The following OSBPL10 variants were observed in gnomAD, a reference collection of about 807,000 sequenced individuals.
OSBPL10 encodes oxysterol-binding protein-related protein 10.
Under a neutral mutation model 81.7 loss-of-function variants are expected in OSBPL10, and 49 were observed. The ratio of observed to expected loss-of-function variants is 0.60; its 90% CI spans 0.48 to 0.76. The LOEUF (loss-of-function observed/expected upper bound fraction) is 0.76, where lower values mean the gene tolerates loss of function less well. OSBPL10 is among the 30% of genes least tolerant of loss of function. The pLI is 0.00. For synonymous variants in OSBPL10, 419 were observed against 383.6 expected (o/e 1.09, Z -1.08); for missense variants, 923 against 987.8 (o/e 0.93, Z 0.88).
intron 4 of OSBPL10, among the ~76,000 whole-genome samples, chr3:31,788,272 C>G (rs1559465364): frequency 6.6e-6 from 1 of 152,114 alleles, no homozygotes; most frequent in Non-Finnish European, 1.5e-5. Context: ...AAATTTTATC[C>G]TATAAAATCC....
intron 2 of OSBPL10, 85 bp from the exon 3 acceptor site, chr3:31,876,597 G>A: frequency 8.6e-7 from 1 of 1,168,740 alleles, no homozygotes; most frequent in East Asian, 2.4e-5. Flanking sequence ...ACCTAAGGGG[G>A]TGGGGAGCCT....
intron 3 of OSBPL10, among the ~76,000 whole-genome samples, chr3:31,872,162 T>C (rs978353953): frequency 6.6e-6 from 1 of 152,194 alleles, no homozygotes; most frequent in African/African-American, 2.4e-5. Flanking sequence ...TGAACCTATG[T>C]GACATGGAGA....
intron 1 of OSBPL10, among the ~76,000 whole-genome samples, chr3:31,917,134 G>C (rs1696779420): frequency 1.3e-5 from 2 of 152,138 alleles, no homozygotes; most frequent in East Asian, 3.9e-4. Flanking sequence ...CAAAGTCGGT[G>C]TCACAGCCGG....
At chr3:31,812,783 AAAGAAAGAAAGAAAGAAAG>A (rs1699730692) in intron 4 of OSBPL10, among the ~76,000 whole-genome samples, 3 of 54,214 alleles carry the variant, frequency 5.5e-5, no homozygotes, top group Non-Finnish European at 1.0e-4. Context: ...AGAAAGAAAG[AAAGAAAGAAAGAAAGAAAG>A]AAAGAAAGAA....
chr3:31,956,902 G>T (rs1698025608), intron 1 of OSBPL10, among the ~76,000 whole-genome samples: 1 of 152,074 alleles, frequency 6.6e-6, no homozygotes, highest in African/African-American at 2.4e-5. Flanking sequence ...GGAGCCTGAG[G>T]TGGGCAGATT....
rs546347066 is a variant in OSBPL10 at position 31,749,019 on chromosome 3, A to C, written c.730-899T>G. Among the ~76,000 whole-genome samples the C allele has an allele frequency of 5.9e-5, 9 of 152,346 alleles. No individual in the cohort carries two copies. In the South Asian group the frequency reaches 6.2e-4, roughly 11 times the overall value. On this transcript the variant is annotated intron_variant, in intron 4 of 11. Coordinates refer to ENST00000396556, the MANE Select transcript of OSBPL10 (RefSeq NM_017784.5). ...GCGAGTCTAAGAAGTGGAGGAGCTC[A>C]AGCAACCCGCCCAAGGTCACAAAGC...
At position 31,807,110 on chromosome 3, in the gene OSBPL10, T is replaced by C. The variant is rs1304153159; in HGVS notation, c.729+22930A>G. ...AAGATTCACTCCTGGCCAGCCACGG[T>C]GGCTCACGCCTATAATCCCAGCACT... On this transcript the variant is annotated intron_variant, in intron 4 of 11. Transcript: ENST00000396556. Among the ~76,000 whole-genome samples, 4 of 152,342 alleles carry C rather than the reference T, an allele frequency of 2.6e-5. No homozygotes were observed. In the East Asian group the frequency reaches 7.7e-4, roughly 29 times the overall value.
intron 1 of OSBPL10, among the ~76,000 whole-genome samples, chr3:32,051,187 C>T (rs1263078814): frequency 6.6e-6 from 1 of 151,256 alleles, no homozygotes; most frequent in African/African-American, 2.4e-5. Flanking sequence ...TAATTTCTAA[C>T]AGGCTGGGAC....
intron 1 of OSBPL10, among the ~76,000 whole-genome samples, chr3:31,898,652 T>C (rs976800636): frequency 2.0e-5 from 3 of 151,542 alleles, no homozygotes; most frequent in South Asian, 2.1e-4. Context: ...AAAACAGATA[T>C]ACAGATATAC....
At chr3:31,944,828 CTCTT>C (rs1697647490) in intron 1 of OSBPL10, among the ~76,000 whole-genome samples, 1 of 112,598 alleles carries the variant, frequency 8.9e-6, no homozygotes, top group Non-Finnish European at 1.7e-5. Context: ...AAGACCCCCT[CTCTT>C]TAAAAAAAAA....
In OSBPL10 at chr3:32,002,601, G is replaced by T. The variant is rs149232944; in HGVS notation, n.298+43890C>A. On this transcript the variant is annotated intron_variant and non_coding_transcript_variant, in intron 2 of 3. Coordinates refer to the OSBPL10 transcript ENST00000479173. ...CTCTGTACCTAGGGTTTGAATCAAG[G>T]CTTCTTCTCTCTTGGTGACTTAGAT... Among the ~76,000 whole-genome samples the T allele has an allele frequency of 2.1e-3, 305 of 141,974 alleles. 1 individual carries two copies. Among genetic ancestry groups the T allele is most frequent in the African/African-American group, 7.3e-3 (291 of 39,972 alleles). 93.1% of individuals were successfully genotyped at this position (141,974 alleles called of 152,430 possible).
At chr3:31,898,338 C>G (rs757328897) in intron 1 of OSBPL10, among the ~76,000 whole-genome samples, 2 of 152,032 alleles carry the variant, frequency 1.3e-5, no homozygotes, top group Non-Finnish European at 2.9e-5. Context: ...TTGATTTAAC[C>G]ACTCCACATT....
intron 4 of OSBPL10, among the ~76,000 whole-genome samples, chr3:31,768,522 T>G (rs909942043): frequency 6.7e-6 from 1 of 149,460 alleles, no homozygotes; most frequent in Non-Finnish European, 1.5e-5. Context: ...TGCAGATATT[T>G]TTTCAGATTT....
intron 8 of OSBPL10, 26 bp downstream of exon 8, chr3:31,683,607 CA>C: frequency 1.3e-6 from 2 of 1,595,306 alleles, no homozygotes; most frequent in Non-Finnish European, 1.7e-6. Context: ...GTGTAAGAGC[CA>C]AACTCCAACA....
intron 8 of OSBPL10, among the ~76,000 whole-genome samples, chr3:31,675,279 C>T (rs771675490): frequency 6.6e-6 from 1 of 152,220 alleles, no homozygotes; most frequent in Non-Finnish European, 1.5e-5. Flanking sequence ...TTCCTAGTCT[C>T]ATTCATAAAT....
intron 1 of OSBPL10, among the ~76,000 whole-genome samples, chr3:31,882,530 C>G (rs1306518446): frequency 6.6e-6 from 1 of 152,220 alleles, no homozygotes; most frequent in East Asian, 1.9e-4. Flanking sequence ...AAATCACTGG[C>G]GTAAACTACC....
chr3:31,661,930 A>G lies in OSBPL10; in HGVS notation c.*142T>C. 3 of 1,246,928 alleles carry G rather than the reference A, an allele frequency of 2.4e-6. No homozygotes were observed. Among genetic ancestry groups the G allele is most frequent in the Non-Finnish European group, 3.3e-6 (3 of 899,220 alleles). The allele number at this position is 1,246,928 out of a possible 1,614,324, so 77.2% of individuals were successfully genotyped here. On this transcript the variant is annotated 3_prime_UTR_variant, in exon 12 of 12. Coordinates refer to ENST00000396556, the MANE Select transcript of OSBPL10 (RefSeq NM_017784.5). ...CAGAGTGTGGGGGTGCACTTTTCAT[A>G]GTATATAATTTCTCTCTCTCTCATC... is the stretch of plus-strand genomic sequence containing the variant.
intron 1 of OSBPL10, among the ~76,000 whole-genome samples, chr3:32,054,105 C>A (rs555726315): frequency 6.6e-6 from 1 of 152,348 alleles, no homozygotes; most frequent in South Asian, 2.1e-4. Flanking sequence ...GCAAAGCTTT[C>A]TGCCTTTAAC....
chr3:32,071,119 G>A (rs1699825685), intron 1 of OSBPL10, among the ~76,000 whole-genome samples: 1 of 152,072 alleles, frequency 6.6e-6, no homozygotes, highest in Non-Finnish European at 1.5e-5. Flanking sequence ...TATTCTCCAA[G>A]GGATATCAGG....
Sources: gnomAD v4.1 joint callset for allele counts (sites outside exome capture counted in the v4.1 genomes callset) on GRCh38, gnomAD v4.1.1 for gene constraint, MANE v1.5 for transcripts, NCBI Gene and HGNC (gene_info 2026-07-23, HGNC 2026-07-21) for gene names.